The following PLCXD2 variants were observed in gnomAD, a reference collection of about 807,000 sequenced individuals.
The protein encoded by PLCXD2 is PI-PLC X domain-containing protein 2.
Under a neutral mutation model 28.6 loss-of-function variants are expected in PLCXD2, and 21 were observed. The observed-to-expected ratio is 0.73, with a 90% CI of 0.52 to 1.06. The LOEUF (loss-of-function observed/expected upper bound fraction) is 1.06. Ranked by LOEUF, PLCXD2 falls within the 50% of genes least tolerant of loss-of-function variation. The pLI, the probability that PLCXD2 is intolerant of heterozygous loss-of-function variation, is 0.00. For missense variants in PLCXD2, 369 were observed against 376.7 expected (o/e 0.98, Z 0.17); for synonymous variants, 140 against 150.1 (o/e 0.93, Z 0.49).
chr3:111,717,968 T>C (rs1941290577), intron 3 of PLCXD2, among the ~76,000 whole-genome samples: 1 of 149,678 alleles, frequency 6.7e-6, no homozygotes, highest in African/African-American at 2.5e-5. Flanking sequence ...TACCTCACAC[T>C]CTTCCAGTTA....
At chr3:111,704,621 T>A (rs1941091070) in intron 1 of PLCXD2, among the ~76,000 whole-genome samples, 1 of 152,226 alleles carries the variant, frequency 6.6e-6, no homozygotes, top group Admixed American at 6.5e-5. Flanking sequence ...GATATTTCAA[T>A]ACGTGTATAC....
intron 2 of PLCXD2, among the ~76,000 whole-genome samples, chr3:111,711,520 G>A (rs1486198047): frequency 6.6e-6 from 1 of 152,222 alleles, no homozygotes; most frequent in African/African-American, 2.4e-5. Context: ...TTCATGTAAT[G>A]AGCTGCCTCA....
intron 1 of PLCXD2, among the ~76,000 whole-genome samples, chr3:111,676,399 G>C (rs1164948229): frequency 6.6e-6 from 1 of 152,076 alleles, no homozygotes; most frequent in Non-Finnish European, 1.5e-5. Flanking sequence ...TTTTTTGTTT[G>C]TTTGTTTTTG....
At chr3:111,722,801 A>T (rs138279283) in intron 3 of PLCXD2, 1 of 152,350 alleles carries the variant, frequency 6.6e-6, no homozygotes, top group East Asian at 1.9e-4. Flanking sequence ...CCACACCCCC[A>T]ACTCTTGGTC....
intron 3 of PLCXD2, chr3:111,722,820 T>A (rs1941364406): frequency 6.6e-6 from 1 of 152,236 alleles, no homozygotes; most frequent in Non-Finnish European, 1.5e-5. Flanking sequence ...TCTTCCACCC[T>A]ATACGTTCTG....
chr3:111,697,338 G>A (rs1472100169), intron 1 of PLCXD2, among the ~76,000 whole-genome samples: 1 of 152,074 alleles, frequency 6.6e-6, no homozygotes, highest in African/African-American at 2.4e-5. Flanking sequence ...TTCTAAGAAA[G>A]CAAAAAGCCT....
At chr3:111,691,796 C>T (rs1399939053) in intron 1 of PLCXD2, among the ~76,000 whole-genome samples, 1 of 152,304 alleles carries the variant, frequency 6.6e-6, no homozygotes, top group Admixed American at 6.5e-5. Context: ...GTTGCAAAAC[C>T]AGTCTGAGCC....
Position 111,714,030 on chromosome 3 carries a change from A to C in PLCXD2, c.768A>C (p.Ser256=). Residue 256 remains serine (S), a synonymous_variant, in exon 3 of 5, where the codon TCA becomes TCC. Transcript: ENST00000477665. Reference sequence around the variant, plus strand: ...AGACCACTCTGAGTGAGCGGGCCTCACGGGGCTCCTTCCATGTCTCCCAAG... The same window carrying C: ...AGACCACTCTGAGTGAGCGGGCCTCCCGGGGCTCCTTCCATGTCTCCCAAG... The C allele has an allele frequency of 6.2e-7, 1 of 1,614,168 alleles. No homozygotes were observed. Among genetic ancestry groups the C allele is most frequent in the East Asian group, 2.2e-5 (1 of 44,880 alleles).
At chr3:111,687,943 G>A (rs1940819852) in intron 1 of PLCXD2, among the ~76,000 whole-genome samples, 1 of 152,080 alleles carries the variant, frequency 6.6e-6, no homozygotes, top group South Asian at 2.1e-4. Flanking sequence ...AAAGTGCTGG[G>A]ATTACAGGCA....
intron 2 of PLCXD2, among the ~76,000 whole-genome samples, chr3:111,712,669 A>G (rs1322148302): frequency 6.6e-6 from 1 of 152,166 alleles, no homozygotes; most frequent in African/African-American, 2.4e-5. Context: ...CTAAATGCAC[A>G]CCGGAAATGA....
In PLCXD2 at chr3:111,675,348, T is replaced by C; in HGVS notation, c.103T>C (p.Trp35Arg). The change falls in exon 1 of 5, where the codon TGG becomes CGG. Residue 35 changes from tryptophan to arginine, a missense_variant. By Grantham distance (101) the Trp-to-Arg change is moderately radical. Transcript: ENST00000477665. ...ATCATCGGAGGTCTGCAATGCCGAC[T>C]GGATGGCCTCGCTCCCCCCTCACCT... is the stretch of plus-strand genomic sequence containing the variant. 1 of 1,614,196 alleles carries C rather than the reference T, an allele frequency of 6.2e-7. No individual in the cohort carries two copies. Among genetic ancestry groups the C allele is most frequent in the South Asian group, 1.1e-5 (1 of 91,086 alleles).
chr3:111,714,159 GCTTTTT>G, intron 3 of PLCXD2, 31 bp downstream of exon 3: 1 of 1,600,772 alleles, frequency 6.2e-7, no homozygotes, highest in Admixed American at 1.7e-5. Context: ...CACAAGGAAA[GCTTTTT>G]AAAAAATATT....
At chr3:111,687,582 G>T (rs1452902412) in intron 1 of PLCXD2, among the ~76,000 whole-genome samples, 1 of 152,028 alleles carries the variant, frequency 6.6e-6, no homozygotes, top group Non-Finnish European at 1.5e-5. Flanking sequence ...ACCTGAATTG[G>T]AATACAAGAT....
At chr3:111,686,658 G>A (rs1175572270) in intron 1 of PLCXD2, among the ~76,000 whole-genome samples, 1 of 152,110 alleles carries the variant, frequency 6.6e-6, no homozygotes, top group South Asian at 2.1e-4. Flanking sequence ...TGTTAATATG[G>A]AGTCAAGCTC....
chr3:111,679,536 A>C lies in PLCXD2; in HGVS notation c.163+4128A>C, dbSNP rs148871077. Among the ~76,000 whole-genome samples the C allele has an allele frequency of 3.3e-5, 5 of 152,298 alleles. No homozygotes were observed. In the East Asian group the frequency reaches 9.7e-4, roughly 29 times the overall value. ...TTGGTGACAGTTGAGTGAATAATTG[A>C]AAGTATGGAAAGTATGGAGTAAGAA... On this transcript the variant is annotated intron_variant, in intron 1 of 4. Coordinates refer to ENST00000477665, the MANE Select transcript of PLCXD2 (RefSeq NM_001185106.1).
At chr3:111,697,292 C>T (rs907541919) in intron 1 of PLCXD2, among the ~76,000 whole-genome samples, 1 of 152,132 alleles carries the variant, frequency 6.6e-6, no homozygotes, top group East Asian at 1.9e-4. Flanking sequence ...TGTGCATTAG[C>T]GCTCTCAACT....
chr3:111,678,148 C>T (rs1422451439), intron 1 of PLCXD2, among the ~76,000 whole-genome samples: 1 of 152,186 alleles, frequency 6.6e-6, no homozygotes, highest in Non-Finnish European at 1.5e-5. Context: ...GCACCTGCTG[C>T]CTTTGCCTAA....
chr3:111,677,731 A>C (rs1338972325), intron 1 of PLCXD2, among the ~76,000 whole-genome samples: 1 of 152,260 alleles, frequency 6.6e-6, no homozygotes, highest in Non-Finnish European at 1.5e-5. Context: ...TGGGAATGGC[A>C]GAGCAGTGGG....
intron 1 of PLCXD2, among the ~76,000 whole-genome samples, chr3:111,679,064 C>T (rs529329012): frequency 8.6e-5 from 13 of 151,550 alleles, no homozygotes; most frequent in Admixed American, 3.3e-4. Flanking sequence ...TATGTACCTT[C>T]ATCATACATA....
Sources: allele counts gnomAD v4.1 joint callset (sites outside exome capture counted in the v4.1 genomes callset), GRCh38; gene constraint gnomAD v4.1.1; transcripts MANE v1.5; gene names NCBI Gene and HGNC (gene_info 2026-07-23, HGNC 2026-07-21).